The following KLHL4 variants were observed in gnomAD, a reference collection of about 807,000 sequenced individuals.
KLHL4 encodes kelch-like protein 4.
In KLHL4, 17 loss-of-function variants were observed where a neutral mutation model predicts 45.8. The ratio of observed to expected loss-of-function variants is 0.37; its 90% CI spans 0.25 to 0.56. The LOEUF is 0.56. KLHL4 is among the 20% of genes least tolerant of loss of function. KLHL4 has a pLI of 0.79. For missense variants in KLHL4, 544 were observed against 544.9 expected (o/e 1.00, Z 0.02); for synonymous variants, 224 against 189.9 (o/e 1.18, Z -1.47).
At chrX:87,584,222 C>A (rs907737440) in intron 1 of KLHL4, among the ~76,000 whole-genome samples, 1 of 111,643 alleles carries the variant, frequency 9.0e-6, no homozygotes, top group African/African-American at 3.3e-5. Context: ...TATCTGGAAA[C>A]CCTTCCCATG....
intron 4 of KLHL4, among the ~76,000 whole-genome samples, chrX:87,618,646 G>T (rs2294965): frequency 9.0e-6 from 1 of 110,539 alleles, no homozygotes; most frequent in Non-Finnish European, 1.9e-5. Context: ...GACTACAGGC[G>T]CCCGCCACCA....
chrX:87,603,944 T>C (rs182531090), intron 1 of KLHL4, among the ~76,000 whole-genome samples: 1 of 110,397 alleles, frequency 9.1e-6, no homozygotes, highest in Non-Finnish European at 1.9e-5. Context: ...TTCTATGATA[T>C]CAACTCTTTT....
intron 1 of KLHL4, among the ~76,000 whole-genome samples, chrX:87,610,820 T>C (rs966752079): frequency 1.8e-5 from 2 of 111,698 alleles, no homozygotes; most frequent in Non-Finnish European, 3.8e-5. Flanking sequence ...ACACCTGTAA[T>C]TTCAGCACTT....
At chrX:87,664,652 T>G (rs1192987640) in intron 9 of KLHL4, 112 bp from the exon 10 acceptor site, 17 of 490,223 alleles carry the variant, frequency 3.5e-5, no homozygotes, top group Non-Finnish European at 5.7e-5. Flanking sequence ...GATATTTGTA[T>G]AGTGTTTTTA....
chrX:87,519,670 A>G (rs12559053), intron 1 of KLHL4, among the ~76,000 whole-genome samples: 19 of 112,490 alleles, frequency 1.7e-4, no homozygotes, highest in Admixed American at 5.7e-4. Context: ...TGCATTTGGT[A>G]CAACAAATAA....
At position 87,531,920 on chromosome X, in the gene KLHL4, T is replaced by G. The variant is rs1299077106; in HGVS notation, c.422+13605T>G. Among the ~76,000 whole-genome samples the G allele has an allele frequency of 9.9e-4, 100 of 101,203 alleles. 1 individual carries two copies. Among genetic ancestry groups the G allele is most frequent in the Non-Finnish European group, 1.0e-3 (51 of 50,178 alleles). The allele number at this position is 101,203 out of a possible 115,157, so 87.9% of individuals were successfully genotyped here. A position where few individuals can be genotyped will look rare whatever the true frequency, so the allele number is the denominator to read the frequency against. On this transcript the variant is annotated intron_variant, in intron 1 of 10. Coordinates refer to ENST00000373119, the MANE Select transcript of KLHL4 (RefSeq NM_019117.5). ...TGGCCATACTGCCCAAGGTAATTTA[T>G]AGATTCAATGCCATCCCCATCAAGC...
intron 1 of KLHL4, among the ~76,000 whole-genome samples, chrX:87,600,445 T>C (rs1453327766): frequency 9.9e-6 from 1 of 100,759 alleles, no homozygotes; most frequent in Non-Finnish European, 2.0e-5. Flanking sequence ...ATGGCGCCAC[T>C]GCACTCCAGC....
chrX:87,617,837 A>G (rs746376058), intron 3 of KLHL4, 95 bp from the exon 4 acceptor site: 15 of 663,804 alleles, frequency 2.3e-5, no homozygotes, highest in Admixed American at 3.6e-5. Context: ...TCATAGCTCT[A>G]CTAGAGAGGA....
At chrX:87,588,791 AAGAAGG>A (rs1233411426) in intron 1 of KLHL4, among the ~76,000 whole-genome samples, 82 of 109,928 alleles carry the variant, frequency 7.5e-4, no homozygotes, top group South Asian at 2.8e-3. Flanking sequence ...AAAGAAGAAG[AAGAAGG>A]AGAAGGAGAA....
At chrX:87,543,290 G>A (rs1220927505) in intron 1 of KLHL4, among the ~76,000 whole-genome samples, 1 of 111,574 alleles carries the variant, frequency 9.0e-6, no homozygotes, top group African/African-American at 3.3e-5. Flanking sequence ...AATAGAAGGA[G>A]AGGCAGAGCA....
At chrX:87,557,473 C>G (rs934847767) in intron 1 of KLHL4, among the ~76,000 whole-genome samples, 1 of 111,592 alleles carries the variant, frequency 9.0e-6, no homozygotes, top group Admixed American at 9.6e-5. Context: ...CTCAAAATAC[C>G]AGACATCATT....
chrX:87,560,819 G>A (rs1932081193), intron 1 of KLHL4, among the ~76,000 whole-genome samples: 1 of 111,421 alleles, frequency 9.0e-6, no homozygotes, highest in South Asian at 3.7e-4. Context: ...ATTTTTATAT[G>A]TGTAAACTAC....
chrX:87,526,607 A>G (rs1462859366), intron 1 of KLHL4, among the ~76,000 whole-genome samples: 1 of 112,132 alleles, frequency 8.9e-6, no homozygotes, highest in Non-Finnish European at 1.9e-5. Flanking sequence ...AGCTTGAGGA[A>G]TGGACACATT....
Position 87,614,056 on chromosome X carries a change from T to C in KLHL4, c.590+12T>C. The C allele has an allele frequency of 1.7e-6, 2 of 1,174,134 alleles. No homozygotes were observed. The highest frequency in any genetic ancestry group is 2.3e-6 in the Non-Finnish European group (2 of 869,486). ...ATCCCAGCCCATAGGTAAGTATTTT[T>C]ATGTATACAGAATGGTTTTGAGTAG... On this transcript the variant is annotated intron_variant, in intron 2 of 10. Transcript: ENST00000373119.
intron 1 of KLHL4, among the ~76,000 whole-genome samples, chrX:87,595,529 A>G (rs1921815262): frequency 8.9e-6 from 1 of 111,790 alleles, no homozygotes. Context: ...TCATTATCTT[A>G]TGTGAAGTGA....
intron 1 of KLHL4, among the ~76,000 whole-genome samples, chrX:87,603,115 G>A (rs1197120400): frequency 9.0e-6 from 1 of 111,532 alleles, no homozygotes; most frequent in Non-Finnish European, 1.9e-5. Flanking sequence ...CAAATAAACA[G>A]TAGCACCAGT....
At position 87,521,290 on chromosome X, in the gene KLHL4, T is replaced by G. The variant is rs147059862; in HGVS notation, c.422+2975T>G. On this transcript the variant is annotated intron_variant, in intron 1 of 10. Transcript: ENST00000373119. ...GGTTTGCCTAGAAAAAATGAGCAGATGTTATTGTATATGTTGCTATCCAAA... is the reference window on the plus strand; with the variant it reads ...GGTTTGCCTAGAAAAAATGAGCAGAGGTTATTGTATATGTTGCTATCCAAA... 5.0e-3 allele frequency among the ~76,000 whole-genome samples: 564 copies of G among 111,972 alleles called. 6 individuals are homozygous for G. Among genetic ancestry groups the G allele is most frequent in the Non-Finnish European group, 3.2e-3 (169 of 53,229 alleles).
chrX:87,576,806 C>G (rs1921115063), intron 1 of KLHL4, among the ~76,000 whole-genome samples: 1 of 111,417 alleles, frequency 9.0e-6, no homozygotes, highest in African/African-American at 3.3e-5. Context: ...TATGAGGACT[C>G]TCTCTACATA....
At chrX:87,558,564 G>A (rs140348085) in intron 1 of KLHL4, among the ~76,000 whole-genome samples, 2,592 of 111,396 alleles carry the variant, frequency 0.023, 32 homozygotes, top group Non-Finnish European at 0.035. Context: ...ACTCCAGTCT[G>A]GGCAACAGAG....
Sources: gnomAD v4.1 joint callset for allele counts (sites outside exome capture counted in the v4.1 genomes callset) on GRCh38, gnomAD v4.1.1 for gene constraint, MANE v1.5 for transcripts, NCBI Gene and HGNC (gene_info 2026-07-23, HGNC 2026-07-21) for gene names.